The following LRRTM4 variants were observed in gnomAD, a reference collection of about 807,000 sequenced individuals.
The protein encoded by LRRTM4 is leucine rich repeat transmembrane neuronal 4, also known as leucine-rich repeat transmembrane neuronal protein 4.
A neutral mutation model predicts 47.6 loss-of-function variants in LRRTM4; 25 were observed. That is an observed-to-expected ratio of 0.53 (90% CI 0.38 to 0.73). LRRTM4 has a LOEUF of 0.73. Among genes scored for constraint, LRRTM4 ranks in the 30% least tolerant of loss-of-function variants. The pLI is 0.00. For missense variants in LRRTM4, 638 were observed against 713.4 expected (o/e 0.89, Z 1.20); for synonymous variants, 311 against 269.5 (o/e 1.15, Z -1.51).
chr2:77,502,515 T>C (rs181817758), intron 3 of LRRTM4, among the ~76,000 whole-genome samples: 2 of 151,764 alleles, frequency 1.3e-5, no homozygotes, highest in East Asian at 3.9e-4. Context: ...AGATATGTAA[T>C]TATCTTTAAA....
chr2:76,774,702 A>T (rs1673883667), intron 3 of LRRTM4, among the ~76,000 whole-genome samples: 1 of 152,144 alleles, frequency 6.6e-6, no homozygotes, highest in Admixed American at 6.6e-5. Context: ...CAGGAGAGTC[A>T]GGCACATTCC....
chr2:77,415,461 TTATTCA>T (rs199558245), intron 3 of LRRTM4, among the ~76,000 whole-genome samples: 2 of 152,174 alleles, frequency 1.3e-5, no homozygotes, highest in East Asian at 3.8e-4. Flanking sequence ...AACTCGAAAC[TTATTCA>T]TATAGCCTTC....
chr2:76,813,041 G>A lies in LRRTM4; in HGVS notation c.1552-64125C>T, dbSNP rs182668201. Among the ~76,000 whole-genome samples the A allele has an allele frequency of 2.5e-3, 375 of 151,958 alleles. 1 individual carries two copies. The highest frequency in any genetic ancestry group is 8.6e-3 in the African/African-American group (358 of 41,450). ...TTAGCTGGCATGGTGGTGGGCACCC[G>A]TAATCCCAGCTACTTGGGAGACTGA... On this transcript the variant is annotated intron_variant, in intron 3 of 3. Transcript: ENST00000409884.
At chr2:77,203,053 A>G (rs974814211) in intron 3 of LRRTM4, among the ~76,000 whole-genome samples, 2 of 152,074 alleles carry the variant, frequency 1.3e-5, no homozygotes, top group Non-Finnish European at 2.9e-5. Flanking sequence ...TAATTTTGCA[A>G]AAGATCTTCA....
chr2:76,845,575 G>T (rs530079125), intron 3 of LRRTM4, among the ~76,000 whole-genome samples: 1 of 152,148 alleles, frequency 6.6e-6, no homozygotes, highest in South Asian at 2.1e-4. Context: ...ACCTGGTCCT[G>T]TGAGCTCCCA....
chr2:76,885,461 G>T (rs6740369), intron 3 of LRRTM4, among the ~76,000 whole-genome samples: 6 of 145,942 alleles, frequency 4.1e-5, no homozygotes, highest in East Asian at 2.1e-4. Context: ...ACAAAAACAT[G>T]CTTTTTTTTT....
At chr2:77,510,293 T>A (rs1473036539) in intron 3 of LRRTM4, among the ~76,000 whole-genome samples, 1 of 152,124 alleles carries the variant, frequency 6.6e-6, no homozygotes, top group African/African-American at 2.4e-5. Context: ...AATATTTAGA[T>A]CTTCAAGAGC....
At chr2:77,490,927 G>T (rs1172144618) in intron 3 of LRRTM4, among the ~76,000 whole-genome samples, 1 of 151,944 alleles carries the variant, frequency 6.6e-6, no homozygotes, top group Non-Finnish European at 1.5e-5. Flanking sequence ...TGTTGAAAAG[G>T]ATCAGTGCAA....
At chr2:77,002,946 C>T (rs1217830681) in intron 3 of LRRTM4, among the ~76,000 whole-genome samples, 1 of 151,948 alleles carries the variant, frequency 6.6e-6, no homozygotes, top group African/African-American at 2.4e-5. Flanking sequence ...TTTTCTGGAC[C>T]ACACCAATCA....
chr2:77,062,951 T>C (rs1679836689), intron 3 of LRRTM4, among the ~76,000 whole-genome samples: 1 of 119,110 alleles, frequency 8.4e-6, no homozygotes, highest in South Asian at 3.1e-4. Context: ...AAAATTATTA[T>C]TATCTTTTTT....
intron 3 of LRRTM4, among the ~76,000 whole-genome samples, chr2:77,236,933 TG>T: frequency 6.6e-6 from 1 of 152,276 alleles, no homozygotes; most frequent in East Asian, 1.9e-4. Flanking sequence ...ATCCATATTT[TG>T]TTGAGGATTT....
At chr2:77,238,845 T>C (rs1675183490) in intron 3 of LRRTM4, among the ~76,000 whole-genome samples, 1 of 151,898 alleles carries the variant, frequency 6.6e-6, no homozygotes, top group Non-Finnish European at 1.5e-5. Flanking sequence ...CAGGGTACTA[T>C]ATTCAGAAAA....
intron 3 of LRRTM4, among the ~76,000 whole-genome samples, chr2:77,400,364 C>G (rs756086857): frequency 6.6e-6 from 1 of 151,818 alleles, no homozygotes; most frequent in African/African-American, 2.4e-5. Context: ...ACACTCAGAA[C>G]TGTCATTGAT....
At chr2:77,438,127 T>G (rs552099720) in intron 3 of LRRTM4, among the ~76,000 whole-genome samples, 1 of 152,136 alleles carries the variant, frequency 6.6e-6, no homozygotes, top group African/African-American at 2.4e-5. Context: ...ATCAAGAATA[T>G]TTACAAACCA....
intron 3 of LRRTM4, among the ~76,000 whole-genome samples, chr2:77,376,028 A>G (rs1351242936): frequency 6.6e-6 from 1 of 151,860 alleles, no homozygotes; most frequent in African/African-American, 2.4e-5. Context: ...GTGACTGGCT[A>G]TATCTGTTCC....
In LRRTM4 at chr2:76,905,421, GA is replaced by G. The variant is rs1233510580; in HGVS notation, c.1552-156506del. ...GGGAAAAAACAGAGCAGAAATACTG[GA>G]AACTCTAAAAACCAGAGCACCTCTC... On this transcript the variant is annotated intron_variant, in intron 3 of 3. Coordinates refer to ENST00000409884, the MANE Select transcript of LRRTM4 (RefSeq NM_001134745.3). 2.0e-5 allele frequency among the ~76,000 whole-genome samples: 3 copies of G among 152,148 alleles called. No individual in the cohort carries two copies. In the East Asian group the frequency reaches 5.8e-4, roughly 29 times the overall value.
At chr2:77,073,484 CTA>C (rs1274762563) in intron 3 of LRRTM4, among the ~76,000 whole-genome samples, 10 of 151,944 alleles carry the variant, frequency 6.6e-5, no homozygotes, top group South Asian at 6.2e-4. Context: ...TTTGTTTTTT[CTA>C]TGTTATAATT....
At chr2:76,837,027 T>G (rs1558684879) in intron 3 of LRRTM4, among the ~76,000 whole-genome samples, 3 of 152,184 alleles carry the variant, frequency 2.0e-5, no homozygotes, top group Admixed American at 6.6e-5. Flanking sequence ...ACCTTTGGAT[T>G]CCTCAGAAGT....
intron 3 of LRRTM4, among the ~76,000 whole-genome samples, chr2:77,419,914 A>C (rs1045709753): frequency 1.3e-5 from 2 of 152,202 alleles, no homozygotes; most frequent in African/African-American, 4.8e-5. Flanking sequence ...AAACATAGAA[A>C]GCTGCAGCTT....
Sources: allele counts gnomAD v4.1 joint callset (sites outside exome capture counted in the v4.1 genomes callset), GRCh38; gene constraint gnomAD v4.1.1; transcripts MANE v1.5; gene names NCBI Gene and HGNC (gene_info 2026-07-23, HGNC 2026-07-21).